The following CREB5 variants were observed in gnomAD, a reference collection of about 807,000 sequenced individuals.
The protein encoded by CREB5 is cyclic AMP-responsive element-binding protein 5.
In CREB5, 19 loss-of-function variants were observed where a neutral mutation model predicts 57.1. That is an observed-to-expected ratio of 0.33 (90% confidence interval 0.23 to 0.49). CREB5 has a LOEUF of 0.49. Ranked by LOEUF, CREB5 falls within the 20% of genes least tolerant of loss-of-function variation. The probability of loss-of-function intolerance (pLI) is 0.99; values close to 1 mark genes in which losing one functional copy is unlikely to be tolerated. For missense variants in CREB5, 579 were observed against 671.6 expected, an observed-to-expected ratio of 0.86 and a Z score of 1.52; for synonymous variants, 238 against 238.3, an observed-to-expected ratio of 1.00 and a Z score of 0.01.
chr7:28,315,873 GCTGGCTGCC>G (rs1459020893), intron 1 of CREB5, among the ~76,000 whole-genome samples: 4 of 152,192 alleles, frequency 2.6e-5, no homozygotes, highest in African/African-American at 9.7e-5. Flanking sequence ...TGGCTCACTG[GCTGGCTGCC>G]CTGGTGATAA....
chr7:28,718,277 T>C (rs188608328), intron 5 of CREB5, among the ~76,000 whole-genome samples: 12 of 152,358 alleles, frequency 7.9e-5, no homozygotes, highest in African/African-American at 2.6e-4. Context: ...TGGGAATTCA[T>C]GAATGAAGTT....
chr7:28,387,370 T>C (rs1156830145), intron 1 of CREB5, among the ~76,000 whole-genome samples: 1 of 152,212 alleles, frequency 6.6e-6, no homozygotes, highest in Non-Finnish European at 1.5e-5. Context: ...GTTGAATGTA[T>C]GTCTTTTGAG....
At chr7:28,810,817 G>A (rs561775508) in intron 9 of CREB5, among the ~76,000 whole-genome samples, 1 of 152,306 alleles carries the variant, frequency 6.6e-6, no homozygotes, top group East Asian at 1.9e-4. Context: ...CAAAGCCTTT[G>A]CATATCCAGT....
At chr7:28,331,259 A>C (rs10267544) in intron 1 of CREB5, among the ~76,000 whole-genome samples, 6,835 of 152,024 alleles carry the variant, frequency 0.045, 506 homozygotes, top group African/African-American at 0.16. Context: ...ATCCCATGAA[A>C]ATTCAATACC....
chr7:28,342,248 G>A (rs770441320), intron 1 of CREB5, among the ~76,000 whole-genome samples: 3 of 152,056 alleles, frequency 2.0e-5, no homozygotes, highest in Admixed American at 6.5e-5. Flanking sequence ...CTTCCATTTG[G>A]TGCCTAGATG....
At chr7:28,405,966 C>G (rs1787571132) in intron 1 of CREB5, among the ~76,000 whole-genome samples, 1 of 152,164 alleles carries the variant, frequency 6.6e-6, no homozygotes, top group South Asian at 2.1e-4. Flanking sequence ...ACGTCTGACT[C>G]AAGAAACTGA....
chr7:28,551,777 G>A (rs935938615), intron 4 of CREB5, among the ~76,000 whole-genome samples: 2 of 152,042 alleles, frequency 1.3e-5, no homozygotes, highest in African/African-American at 4.8e-5. Context: ...TAAAACCTGC[G>A]TAGGACCTTT....
intron 1 of CREB5, among the ~76,000 whole-genome samples, chr7:28,392,337 T>C (rs1787235201): frequency 6.6e-6 from 1 of 152,202 alleles, no homozygotes; most frequent in African/African-American, 2.4e-5. Context: ...CCATTCTTGA[T>C]CTAAGGGACT....
At chr7:28,738,708 G>C (rs1804173500) in intron 7 of CREB5, among the ~76,000 whole-genome samples, 1 of 152,240 alleles carries the variant, frequency 6.6e-6, no homozygotes, top group Non-Finnish European at 1.5e-5. Flanking sequence ...CAGGGCCTGA[G>C]CTTGTGAGGA....
Position 28,543,995 on chromosome 7 carries a change from G to A in CREB5, c.292-26370G>A, listed in dbSNP as rs551152738. On this transcript the variant is annotated intron_variant, in intron 4 of 10. Coordinates refer to ENST00000357727, the MANE Select transcript of CREB5 (RefSeq NM_182898.4). ...TAAATGAGATGATTATTTTTGCCTC[G>A]ATAAATGGTGAGTTTTATGAGTATT... Among the ~76,000 whole-genome samples, 14 of 150,680 alleles carry A rather than the reference G, an allele frequency of 9.3e-5. No individual in the cohort carries two copies. The South Asian group carries it at 1.3e-3, about 14-fold the overall frequency.
intron 1 of CREB5, among the ~76,000 whole-genome samples, chr7:28,418,054 T>C (rs895635005): frequency 6.6e-6 from 1 of 152,218 alleles, no homozygotes; most frequent in Non-Finnish European, 1.5e-5. Context: ...CTTACTCTTT[T>C]GCCCCAGATA....
In CREB5 at chr7:28,782,244, A is replaced by C. The variant is rs145195427; in HGVS notation, c.703-21955A>C. ...TGAATACATTTTTGAAAGGTTAACA[A>C]AGCATCTTTTCTAGATATAAAAGAT... is the stretch of plus-strand genomic sequence containing the variant. On this transcript the variant is annotated intron_variant, in intron 7 of 10. Coordinates refer to ENST00000357727, the MANE Select transcript of CREB5 (RefSeq NM_182898.4). 4.1e-3 allele frequency among the ~76,000 whole-genome samples: 622 copies of C among 152,320 alleles called. 2 individuals are homozygous for C. The highest frequency in any genetic ancestry group is 0.011 in the South Asian group (53 of 4,828).
intron 5 of CREB5, among the ~76,000 whole-genome samples, chr7:28,588,004 G>A (rs1436852840): frequency 1.3e-5 from 2 of 152,094 alleles, no homozygotes; most frequent in African/African-American, 2.4e-5. Context: ...GCAGATCAGG[G>A]GTCCAGGGCT....
At chr7:28,497,994 C>A (rs1288038847) in intron 3 of CREB5, among the ~76,000 whole-genome samples, 4 of 152,082 alleles carry the variant, frequency 2.6e-5, no homozygotes. Context: ...GTCATACTGT[C>A]CATGATGAGT....
chr7:28,709,796 C>T (rs926168118), intron 5 of CREB5, among the ~76,000 whole-genome samples: 1 of 152,146 alleles, frequency 6.6e-6, no homozygotes, highest in Non-Finnish European at 1.5e-5. Context: ...CCAAATTTAC[C>T]TCGTGTGGTA....
intron 5 of CREB5, among the ~76,000 whole-genome samples, chr7:28,589,333 T>A (rs756851185): frequency 2.2e-4 from 33 of 152,048 alleles, no homozygotes; most frequent in Non-Finnish European, 7.4e-5. Flanking sequence ...GGTGGGTGGA[T>A]CACAAGGTCA....
At chr7:28,644,261 C>G (rs1467308810) in intron 5 of CREB5, among the ~76,000 whole-genome samples, 1 of 152,134 alleles carries the variant, frequency 6.6e-6, no homozygotes, top group Non-Finnish European at 1.5e-5. Flanking sequence ...CCTGGTGATG[C>G]CTGTGTCTCA....
chr7:28,717,011 A>G (rs991335291), intron 5 of CREB5, among the ~76,000 whole-genome samples: 4 of 151,958 alleles, frequency 2.6e-5, no homozygotes, highest in Non-Finnish European at 5.9e-5. Context: ...GTATCTCCTC[A>G]CATACACATT....
intron 1 of CREB5, among the ~76,000 whole-genome samples, chr7:28,414,263 T>A (rs1269107138): frequency 6.8e-6 from 1 of 147,028 alleles, no homozygotes; most frequent in Non-Finnish European, 1.5e-5. Context: ...TCTTACAAAT[T>A]GGATTTCTAC....
Sources: allele counts gnomAD v4.1 joint callset (sites outside exome capture counted in the v4.1 genomes callset), GRCh38; gene constraint gnomAD v4.1.1; transcripts MANE v1.5; gene names NCBI Gene and HGNC (gene_info 2026-07-23, HGNC 2026-07-21).